Variants in TRAK2 observed in about 807,000 individuals in gnomAD.
TRAK2 encodes the protein trafficking kinesin-binding protein 2.
In TRAK2, 81 loss-of-function variants were observed where a neutral mutation model predicts 104.6. The observed-to-expected ratio is 0.77, with a 90% confidence interval of 0.65 to 0.93. The LOEUF is 0.93. TRAK2 is among the 40% of genes least tolerant of loss of function. The pLI is 0.00. For missense variants in TRAK2, 1,002 were observed against 1,089.0 expected (o/e 0.92, Z 1.12); for synonymous variants, 406 against 394.4 (o/e 1.03, Z -0.35).
intron 2 of TRAK2, among the ~76,000 whole-genome samples, chr2:201,418,726 AAAAAC>A (rs1951714490): frequency 6.6e-6 from 1 of 152,236 alleles, no homozygotes; most frequent in Non-Finnish European, 1.5e-5. Flanking sequence ...AGCAAAAAAC[AAAAAC>A]TTGGACCCAA....
intron 8 of TRAK2, chr2:201,395,075 A>T (rs1446205069): frequency 1.6e-6 from 1 of 609,196 alleles, no homozygotes; most frequent in Non-Finnish European, 2.8e-6. Context: ...ATGAGTCAAT[A>T]ATTTACACCA....
In TRAK2 at chr2:201,412,939, CTG is replaced by C. The variant is rs1951660722; in HGVS notation, c.92-5344_92-5343del. On this transcript the variant is annotated intron_variant, in intron 2 of 15. Coordinates refer to ENST00000332624, the MANE Select transcript of TRAK2 (RefSeq NM_015049.3). Reference sequence around the variant, plus strand: ...CCAGTTACCAAGAACACTGGCTAAACTGGCAAAAAACTGGTTCTGTACACAAC... The same window carrying C: ...CCAGTTACCAAGAACACTGGCTAAACGCAAAAAACTGGTTCTGTACACAAC... 3.1e-5 allele frequency: 24 copies of C among 777,474 alleles called. No homozygotes were observed. The South Asian group carries it at 3.3e-4, about 11-fold the overall frequency. The allele number at this position is 777,474 out of a possible 1,614,324, so 48.2% of individuals were successfully genotyped here.
chr2:201,433,445 T>C (rs1177753234), intron 1 of TRAK2: 2 of 152,220 alleles, frequency 1.3e-5, no homozygotes, highest in Non-Finnish European at 2.9e-5. Flanking sequence ...ATGAAATACA[T>C]GGAGGTCGCT....
intron 10 of TRAK2, among the ~76,000 whole-genome samples, chr2:201,391,713 G>A (rs935477745): frequency 2.0e-5 from 3 of 152,112 alleles, no homozygotes; most frequent in African/African-American, 7.2e-5. Context: ...CCTGCAATGG[G>A]CTAAACAGAC....
rs750552373 is a variant in TRAK2 at position 201,407,397 on chromosome 2, A to T, written c.286+6T>A. On this transcript the variant is annotated splice_donor_region_variant and intron_variant, in intron 3 of 15. Transcript: ENST00000332624. ...CACAAACTAAAAGAGTAAAAAAAAT[A>T]CTCACTCATGTAACGGAAAGTCTCT... 3 of 1,609,122 alleles carry T rather than the reference A, an allele frequency of 1.9e-6. No individual in the cohort carries two copies. The highest frequency in any genetic ancestry group is 2.5e-6 in the Non-Finnish European group (3 of 1,177,732).
chr2:201,424,015 A>G (rs1397664346), intron 1 of TRAK2, among the ~76,000 whole-genome samples: 1 of 152,242 alleles, frequency 6.6e-6, no homozygotes, highest in Admixed American at 6.5e-5. Context: ...TTCATTTTTC[A>G]TATTCCAGGA....
chr2:201,412,425 T>C, intron 2 of TRAK2: 1 of 1,281,766 alleles, frequency 7.8e-7, no homozygotes, highest in Non-Finnish European at 1.1e-6. Context: ...CTTCCTCAGG[T>C]ATATTTATAA....
At chr2:201,420,290 C>T in intron 2 of TRAK2, 127 bp downstream of exon 2, 1 of 703,858 alleles carries the variant, frequency 1.4e-6, no homozygotes, top group South Asian at 1.8e-5. Context: ...TTCAGTTTTT[C>T]CCTGAGGACA....
intron 1 of TRAK2, among the ~76,000 whole-genome samples, chr2:201,448,612 T>A (rs907794560): frequency 1.3e-5 from 2 of 152,208 alleles, no homozygotes. Context: ...CTGGTACAGA[T>A]AATATAATGA....
chr2:201,412,123 G>A (rs1386451885), intron 2 of TRAK2: 2 of 1,059,042 alleles, frequency 1.9e-6, no homozygotes, highest in Non-Finnish European at 1.5e-6. Context: ...CTTCTTTGGT[G>A]CATTCCTCAA....
intron 1 of TRAK2, among the ~76,000 whole-genome samples, chr2:201,442,415 G>C (rs1951933690): frequency 6.6e-6 from 1 of 151,640 alleles, no homozygotes; most frequent in Admixed American, 6.6e-5. Context: ...AGGGCAGAGA[G>C]CAGAGATTTG....
chr2:201,398,308 CG>C lies in TRAK2; in HGVS notation c.526del (p.Arg176GlufsTer59). On this transcript the variant is annotated frameshift_variant, in exon 6 of 16. Coordinates refer to ENST00000332624, the MANE Select transcript of TRAK2 (RefSeq NM_015049.3). LOFTEE classifies it high-confidence loss of function. ...HELCKKDELLRIVSIASEESE... is the reference protein window; with the variant it reads ...HELCKKDELLXIVSIASEESE... ...TTCTTCAGAAGCAATGGAGACGATT[CG>C]AAGTAACTCATCTTTCTTGCATAGC... is the stretch of plus-strand genomic sequence containing the variant. 1 of 1,613,594 alleles carries C rather than the reference CG, an allele frequency of 6.2e-7. No homozygotes were observed. The highest frequency in any genetic ancestry group is 8.5e-7 in the Non-Finnish European group (1 of 1,179,658).
intron 7 of TRAK2, among the ~76,000 whole-genome samples, chr2:201,397,070 A>G (rs1951509111): frequency 6.6e-6 from 1 of 152,176 alleles, no homozygotes; most frequent in South Asian, 2.1e-4. Context: ...CCTCAAACTA[A>G]AACACATTCC....
chr2:201,444,344 CCCT>C (rs1403521961), intron 1 of TRAK2, among the ~76,000 whole-genome samples: 1 of 152,094 alleles, frequency 6.6e-6, no homozygotes, highest in Non-Finnish European at 1.5e-5. Context: ...TGCTTCTCCT[CCCT>C]CATCTTGTAC....
At chr2:201,434,739 C>G (rs1334899840) in intron 1 of TRAK2, among the ~76,000 whole-genome samples, 3 of 152,220 alleles carry the variant, frequency 2.0e-5, no homozygotes, top group Admixed American at 1.3e-4. Flanking sequence ...GGATTTCTAT[C>G]TTTTGCTTGA....
chr2:201,414,435 A>G (rs1274300180), intron 2 of TRAK2, among the ~76,000 whole-genome samples: 9 of 152,246 alleles, frequency 5.9e-5, no homozygotes, highest in African/African-American at 1.9e-4. Context: ...GCAAAGAACA[A>G]CAAAGTACTG....
intron 1 of TRAK2, among the ~76,000 whole-genome samples, chr2:201,440,447 C>T (rs907000965): frequency 6.6e-6 from 1 of 152,174 alleles, no homozygotes; most frequent in African/African-American, 2.4e-5. Context: ...TTTCTTTCAT[C>T]CCTCCAGCAC....
chr2:201,389,941 A>G, intron 10 of TRAK2, 61 bp from the exon 11 acceptor site: 4 of 1,267,850 alleles, frequency 3.2e-6, no homozygotes, highest in Non-Finnish European at 3.3e-6. Context: ...CAGAGTCTCT[A>G]CAATCCTATA....
chr2:201,389,972 T>A, intron 10 of TRAK2, 92 bp from the exon 11 acceptor site: 1 of 910,776 alleles, frequency 1.1e-6, no homozygotes, highest in Non-Finnish European at 1.7e-6. Flanking sequence ...TATAATAAAA[T>A]ACAAGGAAAT....
Sources: allele counts gnomAD v4.1 joint callset (sites outside exome capture counted in the v4.1 genomes callset), GRCh38; gene constraint gnomAD v4.1.1; transcripts MANE v1.5; gene names NCBI Gene and HGNC (gene_info 2026-07-23, HGNC 2026-07-21).